CDH19: variants seen among roughly 807,000 people sequenced by gnomAD.
The protein encoded by CDH19 is cadherin 19.
Under a neutral mutation model 64.2 loss-of-function variants are expected in CDH19, and 67 were observed. The ratio of observed to expected loss-of-function variants is 1.04; its 90% CI spans 0.86 to 1.28. The LOEUF is 1.28. Ranked by LOEUF, CDH19 falls within the 50% of genes most tolerant of loss-of-function variation. CDH19 has a pLI of 0.00. For synonymous variants in CDH19, 346 were observed against 319.3 expected (o/e 1.08, Z -0.89); for missense variants, 1,030 against 929.0 (o/e 1.11, Z -1.41).
At chr18:66,531,909 T>C (rs1311356812) in intron 8 of CDH19, among the ~76,000 whole-genome samples, 1 of 152,194 alleles carries the variant, frequency 6.6e-6, no homozygotes, top group Non-Finnish European at 1.5e-5. Context: ...TATTATTGTT[T>C]TGTTGCATCT....
At chr18:66,603,713 AC>A (rs1989092960) in intron 1 of CDH19, among the ~76,000 whole-genome samples, 1 of 152,146 alleles carries the variant, frequency 6.6e-6, no homozygotes, top group South Asian at 2.1e-4. Context: ...CCCAACACCA[AC>A]AATCTGTATT....
At chr18:66,577,190 A>C (rs1377121669) in intron 1 of CDH19, among the ~76,000 whole-genome samples, 2 of 152,002 alleles carry the variant, frequency 1.3e-5, no homozygotes, top group African/African-American at 2.4e-5. Flanking sequence ...TAAAATTAAA[A>C]TACAAAATAA....
intron 4 of CDH19, among the ~76,000 whole-genome samples, chr18:66,551,720 A>G (rs1987350981): frequency 6.6e-6 from 1 of 152,040 alleles, no homozygotes; most frequent in South Asian, 2.1e-4. Context: ...TCTGAAGAAG[A>G]CCTGGTTGTT....
intron 7 of CDH19, among the ~76,000 whole-genome samples, chr18:66,537,059 C>CTCAGCTTTTTCTAATGTTAAAA (rs1986701468): frequency 1.3e-5 from 2 of 151,886 alleles, no homozygotes; most frequent in South Asian, 4.1e-4. Flanking sequence ...ATGCTCTTCA[C>CTCAGCTTTTTCTAATGTTAAAA]TCAGCTTTTT....
At chr18:66,549,643 G>A (rs1987265218) in intron 5 of CDH19, among the ~76,000 whole-genome samples, 1 of 151,986 alleles carries the variant, frequency 6.6e-6, no homozygotes, top group Admixed American at 6.6e-5. Context: ...TTTTTAATAT[G>A]ACAAAATTTA....
chr18:66,512,775 T>C (rs941537505), intron 9 of CDH19, among the ~76,000 whole-genome samples: 4 of 151,482 alleles, frequency 2.6e-5, no homozygotes, highest in African/African-American at 9.7e-5. Flanking sequence ...TTTTAGAATA[T>C]TACAGGATTT....
intron 7 of CDH19, among the ~76,000 whole-genome samples, chr18:66,538,029 T>C (rs1986740633): frequency 1.3e-5 from 2 of 152,104 alleles, no homozygotes; most frequent in Non-Finnish European, 2.9e-5. Flanking sequence ...TAATGCATCT[T>C]AGTCTTACTA....
chr18:66,547,661 G>GTTTTTTTTTTTTTTTTTTT (rs71169155), intron 5 of CDH19, among the ~76,000 whole-genome samples: 1 of 80,144 alleles, frequency 1.2e-5, no homozygotes, highest in Non-Finnish European at 2.3e-5. Flanking sequence ...TGTGTGTTAG[G>GTTTTTTTTTTTTTTTTTTT]TTTTTTTTTT....
At chr18:66,514,793 T>C (rs1985661971) in intron 9 of CDH19, among the ~76,000 whole-genome samples, 1 of 151,522 alleles carries the variant, frequency 6.6e-6, no homozygotes, top group Non-Finnish European at 1.5e-5. Flanking sequence ...AGATTAATTA[T>C]CCTGAGCCAA....
intron 3 of CDH19, among the ~76,000 whole-genome samples, chr18:66,563,306 T>A (rs1284061888): frequency 6.6e-6 from 1 of 152,074 alleles, no homozygotes; most frequent in Non-Finnish European, 1.5e-5. Context: ...CTTTAGAATG[T>A]TATATTTTAT....
At chr18:66,522,617 C>T (rs946161043) in intron 9 of CDH19, among the ~76,000 whole-genome samples, 1 of 151,618 alleles carries the variant, frequency 6.6e-6, no homozygotes, top group African/African-American at 2.4e-5. Context: ...TACAATTTGA[C>T]TTTTTATCCT....
chr18:66,583,732 G>A (rs1027450851), intron 1 of CDH19, among the ~76,000 whole-genome samples: 1 of 152,040 alleles, frequency 6.6e-6, no homozygotes, highest in Admixed American at 6.6e-5. Context: ...TCTAATCTTT[G>A]ACAAAAACAA....
At chr18:66,579,468 G>T (rs1306257367) in intron 1 of CDH19, among the ~76,000 whole-genome samples, 5 of 151,982 alleles carry the variant, frequency 3.3e-5, no homozygotes, top group African/African-American at 1.2e-4. Context: ...TCTTACTACA[G>T]ATGCGAAATC....
chr18:66,548,261 A>ATT (rs1190781687), intron 5 of CDH19, among the ~76,000 whole-genome samples: 1 of 71,264 alleles, frequency 1.4e-5, no homozygotes, highest in Non-Finnish European at 3.4e-5. Context: ...ATATATATAT[A>ATT]TTTTTTTAAA....
At chr18:66,532,290 A>G (rs1257629706) in intron 8 of CDH19, 1 of 151,002 alleles carries the variant, frequency 6.6e-6, no homozygotes, top group African/African-American at 2.5e-5. Context: ...AAAAAAAAAG[A>G]AAGCTATAGG....
intron 8 of CDH19, among the ~76,000 whole-genome samples, chr18:66,531,012 G>A (rs1000571789): frequency 1.3e-5 from 2 of 152,076 alleles, no homozygotes; most frequent in Non-Finnish European, 2.9e-5. Flanking sequence ...GAAGAATGAT[G>A]GTTTAGCCCA....
intron 1 of CDH19, among the ~76,000 whole-genome samples, chr18:66,594,963 A>T (rs929214491): frequency 2.6e-5 from 4 of 151,638 alleles, no homozygotes; most frequent in African/African-American, 7.3e-5. Context: ...TATGTAACTA[A>T]CCTGCATATT....
rs1988126151 is a variant in CDH19 at position 66,572,138 on chromosome 18, T to C, written c.67A>G (p.Thr23Ala). Residue 23 changes from threonine (T) to alanine (A), a missense_variant, in exon 2 of 12, where the codon ACA becomes GCA. Coordinates refer to ENST00000262150, the MANE Select transcript of CDH19 (RefSeq NM_021153.4). ...ACTTTCTTTGTTTGAGAGTTTTCTGTTGCTCCAAGACAAGGCCATAGGAGA... is the reference window on the plus strand; with the variant it reads ...ACTTTCTTTGTTTGAGAGTTTTCTGCTGCTCCAAGACAAGGCCATAGGAGA... ...IPLLWPCLGATENSQTKKVKQ... is the reference protein window; with the variant it reads ...IPLLWPCLGAAENSQTKKVKQ... The C allele has an allele frequency of 6.2e-7, 1 of 1,611,484 alleles. No homozygotes were observed. Among genetic ancestry groups the C allele is most frequent in the Non-Finnish European group, 8.5e-7 (1 of 1,178,448 alleles).
chr18:66,594,912 G>A (rs1239202018), intron 1 of CDH19, among the ~76,000 whole-genome samples: 3 of 150,306 alleles, frequency 2.0e-5, no homozygotes, highest in African/African-American at 7.3e-5. Context: ...GCTAGATAAC[G>A]AGTTAGTGGG....
Sources: gnomAD v4.1 joint callset for allele counts (sites outside exome capture counted in the v4.1 genomes callset) on GRCh38, gnomAD v4.1.1 for gene constraint, MANE v1.5 for transcripts, NCBI Gene and HGNC (gene_info 2026-07-23, HGNC 2026-07-21) for gene names.